Variants in GPC5 observed in about 807,000 individuals in gnomAD.
The protein encoded by GPC5 is glypican 5, also known as glypican-5.
A neutral mutation model predicts 53.9 loss-of-function variants in GPC5; 47 were observed. The observed-to-expected ratio is 0.87, with a 90% CI of 0.69 to 1.11. The LOEUF is 1.11. Among genes scored for constraint, GPC5 ranks in the 50% most tolerant of loss-of-function variants. GPC5 has a pLI of 0.00. For missense variants in GPC5, 748 were observed against 713.1 expected (o/e 1.05, Z -0.56); for synonymous variants, 286 against 263.3 (o/e 1.09, Z -0.84).
chr13:92,334,682 G>A (rs377117095), intron 7 of GPC5, among the ~76,000 whole-genome samples: 4 of 152,090 alleles, frequency 2.6e-5, no homozygotes, highest in African/African-American at 9.7e-5. Flanking sequence ...AGACACAATG[G>A]GAGTACAGGC....
At chr13:92,375,758 G>A (rs1038657388) in intron 7 of GPC5, among the ~76,000 whole-genome samples, 1 of 152,162 alleles carries the variant, frequency 6.6e-6, no homozygotes, top group African/African-American at 2.4e-5. Flanking sequence ...TCTTCTTTCT[G>A]CTCTTAAAAA....
intron 7 of GPC5, among the ~76,000 whole-genome samples, chr13:92,370,540 A>C (rs78089942): frequency 4.1e-4 from 62 of 151,650 alleles, no homozygotes; most frequent in African/African-American, 1.1e-3. Flanking sequence ...GAAAAAAAAA[A>C]CAGCTTGTCA....
At chr13:92,330,554 G>T (rs2043281599) in intron 7 of GPC5, among the ~76,000 whole-genome samples, 1 of 152,062 alleles carries the variant, frequency 6.6e-6, no homozygotes, top group Admixed American at 6.6e-5. Flanking sequence ...TCTTAGCATT[G>T]TTTCCCTGAC....
At chr13:91,498,360 T>G (rs1884416603) in intron 2 of GPC5, among the ~76,000 whole-genome samples, 1 of 152,018 alleles carries the variant, frequency 6.6e-6, no homozygotes, top group African/African-American at 2.4e-5. Context: ...GCACATTTTG[T>G]TGACCGACTG....
At chr13:91,973,553 G>T (rs1290892580) in intron 6 of GPC5, among the ~76,000 whole-genome samples, 1 of 152,192 alleles carries the variant, frequency 6.6e-6, no homozygotes, top group African/African-American at 2.4e-5. Flanking sequence ...CTGCTTTTTA[G>T]AGTTTCCGGT....
At chr13:92,256,326 G>A (rs966125137) in intron 7 of GPC5, among the ~76,000 whole-genome samples, 3 of 151,926 alleles carry the variant, frequency 2.0e-5, no homozygotes, top group Admixed American at 2.0e-4. Flanking sequence ...ATATTTATAA[G>A]ATTGCTCTAG....
At chr13:92,461,303 C>T (rs1438354103) in intron 7 of GPC5, among the ~76,000 whole-genome samples, 1 of 152,084 alleles carries the variant, frequency 6.6e-6, no homozygotes, top group Non-Finnish European at 1.5e-5. Flanking sequence ...CTGCTTTAGG[C>T]ATGAGATTAT....
At chr13:92,381,918 A>AT (rs796383905) in intron 7 of GPC5, among the ~76,000 whole-genome samples, 26 of 45,022 alleles carry the variant, frequency 5.8e-4, no homozygotes, top group Non-Finnish European at 9.5e-4. Flanking sequence ...TGATATATAT[A>AT]ATCATATATA....
At chr13:91,940,716 G>T (rs889642566) in intron 6 of GPC5, among the ~76,000 whole-genome samples, 2 of 151,916 alleles carry the variant, frequency 1.3e-5, no homozygotes, top group African/African-American at 4.8e-5. Context: ...ATCTCGCTGT[G>T]GTTTTGATTT....
intron 6 of GPC5, among the ~76,000 whole-genome samples, chr13:92,076,999 C>T (rs532166676): frequency 1.3e-5 from 2 of 152,156 alleles, no homozygotes; most frequent in Non-Finnish European, 2.9e-5. Flanking sequence ...CCTGAACATG[C>T]CCTTTCCTTT....
At chr13:92,058,746 G>T (rs555315332) in intron 6 of GPC5, among the ~76,000 whole-genome samples, 1 of 151,994 alleles carries the variant, frequency 6.6e-6, no homozygotes, top group Non-Finnish European at 1.5e-5. Context: ...GTTTTGCCAG[G>T]TTGCCCAAGC....
At chr13:91,488,497 TTG>T (rs1359982574) in intron 2 of GPC5, among the ~76,000 whole-genome samples, 1 of 152,148 alleles carries the variant, frequency 6.6e-6, no homozygotes, top group Non-Finnish European at 1.5e-5. Flanking sequence ...TCATGGACAT[TTG>T]TTAGTTCCCC....
intron 2 of GPC5, among the ~76,000 whole-genome samples, chr13:91,528,953 A>G (rs935943012): frequency 3.3e-5 from 5 of 152,174 alleles, no homozygotes; most frequent in South Asian, 2.1e-4. Context: ...GTCACTTCCC[A>G]CTAGGTCTCT....
chr13:91,892,261 T>C (rs973711556), intron 5 of GPC5, among the ~76,000 whole-genome samples: 1 of 151,930 alleles, frequency 6.6e-6, no homozygotes, highest in Non-Finnish European at 1.5e-5. Context: ...CTCATAAAAA[T>C]GTATTCTCTT....
intron 7 of GPC5, among the ~76,000 whole-genome samples, chr13:92,312,335 G>C (rs941815554): frequency 6.6e-6 from 1 of 151,192 alleles, no homozygotes; most frequent in Non-Finnish European, 1.5e-5. Context: ...TGAGTGGGGG[G>C]AAAAAAAACA....
At chr13:91,640,176 G>T (rs183994464) in intron 2 of GPC5, among the ~76,000 whole-genome samples, 1 of 152,196 alleles carries the variant, frequency 6.6e-6, no homozygotes, top group East Asian at 1.9e-4. Flanking sequence ...CATAGCAAAA[G>T]AAACTATCAT....
At chr13:92,251,283 A>G (rs952966393) in intron 7 of GPC5, among the ~76,000 whole-genome samples, 8 of 152,080 alleles carry the variant, frequency 5.3e-5, no homozygotes, top group African/African-American at 1.9e-4. Context: ...GAGTTCATGA[A>G]ATTATTGGGG....
intron 7 of GPC5, among the ~76,000 whole-genome samples, chr13:92,215,549 A>T (rs1229168521): frequency 1.3e-5 from 2 of 152,156 alleles, no homozygotes; most frequent in East Asian, 1.9e-4. Flanking sequence ...TATCCCCTGC[A>T]TCTCTTACTG....
intron 7 of GPC5, among the ~76,000 whole-genome samples, chr13:92,555,918 A>G (rs577547855): frequency 1.3e-5 from 2 of 151,682 alleles, no homozygotes; most frequent in East Asian, 3.9e-4. Flanking sequence ...CTGTAACATT[A>G]TAAGTAGGAA....
Sources: gnomAD v4.1 joint callset for allele counts (sites outside exome capture counted in the v4.1 genomes callset) on GRCh38, gnomAD v4.1.1 for gene constraint, MANE v1.5 for transcripts, NCBI Gene and HGNC (gene_info 2026-07-23, HGNC 2026-07-21) for gene names.